Variants in LDLRAD4 observed in about 807,000 individuals in gnomAD.
The protein encoded by LDLRAD4 is low density lipoprotein receptor class A domain containing 4, also known as low-density lipoprotein receptor class A domain-containing protein 4.
In LDLRAD4, 5 loss-of-function variants were observed where a neutral mutation model predicts 17.0. The observed-to-expected ratio is 0.29, with a 90% CI of 0.15 to 0.62. The LOEUF (loss-of-function observed/expected upper bound fraction) is 0.62, where lower values mean the gene tolerates loss of function less well. Ranked by LOEUF, LDLRAD4 falls within the 20% of genes least tolerant of loss-of-function variation. LDLRAD4 has a pLI of 0.84. For synonymous variants in LDLRAD4, 168 were observed against 171.8 expected (o/e 0.98, Z 0.17); for missense variants, 340 against 424.7 (o/e 0.80, Z 1.75).
chr18:13,363,733 A>G (rs1448505867), intron 1 of LDLRAD4, among the ~76,000 whole-genome samples: 2 of 152,254 alleles, frequency 1.3e-5, no homozygotes, highest in Admixed American at 6.5e-5. Context: ...AAAAATAAAA[A>G]TAAAATAAAT....
intron 4 of LDLRAD4, among the ~76,000 whole-genome samples, chr18:13,623,831 C>T (rs1029554380): frequency 6.6e-6 from 1 of 152,196 alleles, no homozygotes; most frequent in Non-Finnish European, 1.5e-5. Context: ...GGAATGCCCC[C>T]ACGCAGCCAG....
intron 1 of LDLRAD4, among the ~76,000 whole-genome samples, chr18:13,270,789 T>C (rs7228720): frequency 0.56 from 85,383 of 152,034 alleles, 24,359 homozygotes; most frequent in Middle Eastern, 0.63. Flanking sequence ...AAGTGATCTC[T>C]GACAGAAGGG....
At chr18:13,287,396 A>G (rs2045690417) in intron 1 of LDLRAD4, among the ~76,000 whole-genome samples, 2 of 152,200 alleles carry the variant, frequency 1.3e-5, no homozygotes, top group Admixed American at 6.5e-5. Context: ...CGTTTAGCCC[A>G]GGTAGGAGGA....
At chr18:13,471,916 T>G (rs1186679696) in intron 3 of LDLRAD4, 1 of 152,242 alleles carries the variant, frequency 6.6e-6, no homozygotes, top group African/African-American at 2.4e-5. Flanking sequence ...AATATCTAAT[T>G]GTTCCCAGAG....
At chr18:13,231,169 T>A (rs898503982) in intron 1 of LDLRAD4, among the ~76,000 whole-genome samples, 1 of 152,106 alleles carries the variant, frequency 6.6e-6, no homozygotes, top group African/African-American at 2.4e-5. Flanking sequence ...TTCAGAGGCG[T>A]ATAGATGTCT....
chr18:13,315,275 G>T (rs1178190481), intron 1 of LDLRAD4, among the ~76,000 whole-genome samples: 1 of 152,142 alleles, frequency 6.6e-6, no homozygotes, highest in Non-Finnish European at 1.5e-5. Flanking sequence ...GATAACATTG[G>T]CCAGGGCCTC....
At chr18:13,590,352 C>T (rs998848012) in intron 3 of LDLRAD4, among the ~76,000 whole-genome samples, 3 of 148,756 alleles carry the variant, frequency 2.0e-5, no homozygotes, top group South Asian at 2.1e-4. Flanking sequence ...TGTGTGTGTG[C>T]GTGTGCGTGT....
intron 2 of LDLRAD4, among the ~76,000 whole-genome samples, chr18:13,411,494 G>A (rs747862189): frequency 6.6e-6 from 1 of 152,146 alleles, no homozygotes; most frequent in Non-Finnish European, 1.5e-5. Context: ...CCCACCTGTC[G>A]TGAGAGGGAC....
chr18:13,631,473 G>A (rs527943392), intron 4 of LDLRAD4, among the ~76,000 whole-genome samples: 1 of 152,222 alleles, frequency 6.6e-6, no homozygotes, highest in East Asian at 1.9e-4. Context: ...CAAGAGGTGG[G>A]AACACTTCCT....
At position 13,645,255 on chromosome 18, in the gene LDLRAD4, C is replaced by T; in HGVS notation, c.519C>T (p.Ser173=). Residue 173 remains serine (S), a synonymous_variant, in exon 6 of 6, where the codon TCC becomes TCT. Coordinates refer to ENST00000359446, the Ensembl canonical transcript of LDLRAD4. This position sits in a 1 kb window ranked among gnomAD's most constrained non-coding sequence, Gnocchi z 5.7. Reference sequence around the variant, plus strand: ...AGATTGATCTTCCTCCCACCATCTCCCTGTCCGACGGTGAAGAGCCACCTC... The same window carrying T: ...AGATTGATCTTCCTCCCACCATCTCTCTGTCCGACGGTGAAGAGCCACCTC... 6.2e-7 allele frequency: 1 copy of T among 1,614,186 alleles called. No homozygotes were observed. The highest frequency in any genetic ancestry group is 8.5e-7 in the Non-Finnish European group (1 of 1,180,028).
intron 2 of LDLRAD4, among the ~76,000 whole-genome samples, chr18:13,427,662 G>A (rs919100683): frequency 6.6e-6 from 1 of 152,226 alleles, no homozygotes; most frequent in East Asian, 1.9e-4. Flanking sequence ...AGATGACTGG[G>A]TAGGGACAGA....
chr18:13,485,448 T>G (rs993180196), intron 3 of LDLRAD4, among the ~76,000 whole-genome samples: 1 of 152,228 alleles, frequency 6.6e-6, no homozygotes, highest in Non-Finnish European at 1.5e-5. Context: ...TGACCCTGTC[T>G]GCTCTCCATG....
rs180861694 is a variant in LDLRAD4 at position 13,517,097 on chromosome 18, C to T, written c.181+78713C>T. Among the ~76,000 whole-genome samples the T allele has an allele frequency of 3.3e-4, 50 of 152,346 alleles. 1 individual carries two copies. The highest frequency in any genetic ancestry group is 1.0e-3 in the South Asian group (5 of 4,830). ...AACTCCTGGACTCAAGCGATCCTCC[C>T]GCCTTGGCCTCCCAAAGTGCCAGGA... On this transcript the variant is annotated intron_variant, in intron 3 of 5. Transcript: ENST00000359446.
At chr18:13,433,007 A>G (rs948911787) in intron 2 of LDLRAD4, among the ~76,000 whole-genome samples, 3 of 152,238 alleles carry the variant, frequency 2.0e-5, no homozygotes, top group Non-Finnish European at 2.9e-5. Flanking sequence ...GTGAACCACT[A>G]TGCCCAGCCT....
intron 2 of LDLRAD4, among the ~76,000 whole-genome samples, chr18:13,396,774 C>T (rs1249808730): frequency 3.3e-5 from 5 of 152,180 alleles, no homozygotes; most frequent in South Asian, 2.1e-4. Context: ...TGAGCCACTG[C>T]GCCTGGCCTA....
chr18:13,630,815 ATACT>A (rs1210019150), intron 4 of LDLRAD4, among the ~76,000 whole-genome samples: 3 of 152,256 alleles, frequency 2.0e-5, no homozygotes, highest in African/African-American at 4.8e-5. Context: ...TTACAAAACA[ATACT>A]TACAGTGTGC....
intron 3 of LDLRAD4, among the ~76,000 whole-genome samples, chr18:13,473,695 A>G (rs2092856166): frequency 7.5e-6 from 1 of 134,022 alleles, no homozygotes; most frequent in Admixed American, 7.9e-5. Context: ...TACATTTTAT[A>G]TATATTTATA....
intron 3 of LDLRAD4, among the ~76,000 whole-genome samples, chr18:13,481,558 C>T (rs1309992395): frequency 6.6e-6 from 1 of 152,192 alleles, no homozygotes; most frequent in Non-Finnish European, 1.5e-5. Context: ...CAAGACTGGG[C>T]CCCTGTTGTC....
intron 2 of LDLRAD4, among the ~76,000 whole-genome samples, chr18:13,403,845 T>C (rs948221865): frequency 2.0e-5 from 3 of 152,228 alleles, no homozygotes; most frequent in Admixed American, 2.0e-4. Flanking sequence ...AGGTTTTTTC[T>C]GTTGTCTGTG....
Sources: gnomAD v4.1 joint callset for allele counts (sites outside exome capture counted in the v4.1 genomes callset) on GRCh38, gnomAD v4.1.1 for gene constraint, Gnocchi (gnomAD v3.1) non-coding constraint, MANE v1.5 for transcripts, NCBI Gene and HGNC (gene_info 2026-07-23, HGNC 2026-07-21) for gene names.